Variants in CFAP61 observed in about 807,000 individuals in gnomAD.
CFAP61 encodes the protein cilia- and flagella-associated protein 61.
Under a neutral mutation model 135.6 loss-of-function variants are expected in CFAP61, and 107 were observed. The ratio of observed to expected loss-of-function variants is 0.79; its 90% confidence interval spans 0.67 to 0.93. The LOEUF (loss-of-function observed/expected upper bound fraction) is 0.93, where lower values mean the gene tolerates loss of function less well. Ranked by LOEUF, CFAP61 falls within the 40% of genes least tolerant of loss-of-function variation. The pLI is 0.00. For synonymous variants in CFAP61, 575 were observed against 578.5 expected, an observed-to-expected ratio of 0.99 and a Z score of 0.09; for missense variants, 1,507 against 1,556.2, an observed-to-expected ratio of 0.97 and a Z score of 0.53.
intron 17 of CFAP61, among the ~76,000 whole-genome samples, chr20:20,216,418 G>C (rs1569144725): frequency 6.6e-6 from 1 of 152,210 alleles, no homozygotes; most frequent in South Asian, 2.1e-4. Flanking sequence ...GTTTGTGTTT[G>C]AATATACACA....
chr20:20,332,329 CAAGT>C (rs1367097095), intron 25 of CFAP61, among the ~76,000 whole-genome samples: 1 of 152,198 alleles, frequency 6.6e-6, no homozygotes, highest in Non-Finnish European at 1.5e-5. Context: ...TTCGCTCTGG[CAAGT>C]AAGACCAAAA....
intron 18 of CFAP61, among the ~76,000 whole-genome samples, chr20:20,243,058 G>A (rs552032438): frequency 6.6e-6 from 1 of 152,284 alleles, no homozygotes; most frequent in South Asian, 2.1e-4. Flanking sequence ...AAAAGAAAGA[G>A]GTTTAATGGA....
intron 8 of CFAP61, among the ~76,000 whole-genome samples, chr20:20,121,967 G>A (rs149385597): frequency 5.4e-5 from 8 of 148,424 alleles, no homozygotes; most frequent in East Asian, 2.0e-4. Flanking sequence ...AAATTTTTCC[G>A]TAAGTTATTC....
At chr20:20,069,638 T>TA (rs2045567084) in intron 2 of CFAP61, 1 of 414,008 alleles carries the variant, frequency 2.4e-6, no homozygotes, top group Non-Finnish European at 4.8e-6. Flanking sequence ...CACGAAAAGA[T>TA]AAGTCTGGAG....
chr20:20,172,351 C>A, intron 13 of CFAP61: 1 of 867,882 alleles, frequency 1.2e-6, no homozygotes, highest in Non-Finnish European at 1.4e-6. Flanking sequence ...GCATCTCACT[C>A]TGTTGCCCAG....
chr20:20,109,093 G>A (rs2048612015), intron 8 of CFAP61, among the ~76,000 whole-genome samples: 1 of 152,096 alleles, frequency 6.6e-6, no homozygotes, highest in African/African-American at 2.4e-5. Context: ...TTTGTTTGAT[G>A]TTTATTCATG....
At chr20:20,175,161 C>T (rs1013247570) in intron 13 of CFAP61, among the ~76,000 whole-genome samples, 1 of 152,198 alleles carries the variant, frequency 6.6e-6, no homozygotes, top group Non-Finnish European at 1.5e-5. Flanking sequence ...TTGTTTGTCC[C>T]TTAAAGAAGG....
At chr20:20,274,765 T>A (rs2053617454) in intron 21 of CFAP61, among the ~76,000 whole-genome samples, 1 of 152,226 alleles carries the variant, frequency 6.6e-6, no homozygotes, top group Non-Finnish European at 1.5e-5. Context: ...TTATTCTATT[T>A]GTGGAAGGAT....
At chr20:20,170,407 TA>T (rs11292483) in intron 13 of CFAP61, among the ~76,000 whole-genome samples, 136,814 of 152,098 alleles carry the variant, frequency 0.9, 62,355 homozygotes, top group Middle Eastern at 0.99. Context: ...AATGAATCAA[TA>T]AAAAAAATCA....
At chr20:20,348,411 G>A (rs2058707452) in intron 26 of CFAP61, among the ~76,000 whole-genome samples, 1 of 151,996 alleles carries the variant, frequency 6.6e-6, no homozygotes, top group Non-Finnish European at 1.5e-5. Context: ...GGGGAGGCTG[G>A]GTGCAGTGGG....
At chr20:20,099,911 A>G (rs568560435) in intron 8 of CFAP61, among the ~76,000 whole-genome samples, 1 of 152,266 alleles carries the variant, frequency 6.6e-6, no homozygotes, top group South Asian at 2.1e-4. Flanking sequence ...ACCTCATCTG[A>G]ACATACACAC....
At chr20:20,355,519 G>A (rs1160406581) in intron 26 of CFAP61, among the ~76,000 whole-genome samples, 2 of 124,778 alleles carry the variant, frequency 1.6e-5, no homozygotes, top group Admixed American at 7.9e-5. Flanking sequence ...GAGGGGAGGT[G>A]GTCACACTGA....
Position 20,269,235 on chromosome 20 carries a change from A to G in CFAP61, c.2503+6105A>G, listed in dbSNP as rs892267016. Among the ~76,000 whole-genome samples the G allele has an allele frequency of 1.5e-4, 21 of 144,616 alleles. 1 individual carries two copies. The highest frequency in any genetic ancestry group is 5.3e-4 in the African/African-American group (21 of 39,884). 94.9% of individuals were successfully genotyped at this position (144,616 alleles called of 152,430 possible). The stretch of plus-strand genomic sequence containing the variant: ...TACACATATATACATATATGTATAT[A>G]TATACACGTATATGTGCATATATAC... On this transcript the variant is annotated intron_variant, in intron 21 of 26. Coordinates refer to ENST00000245957, the MANE Select transcript of CFAP61 (RefSeq NM_015585.4).
At chr20:20,249,825 CTG>C (rs1241009561) in intron 19 of CFAP61, among the ~76,000 whole-genome samples, 2 of 152,188 alleles carry the variant, frequency 1.3e-5, no homozygotes, top group African/African-American at 4.8e-5. Context: ...TGTGCACTAA[CTG>C]TATTTAACTT....
Position 20,135,114 on chromosome 20 carries a change from G to GTTT in CFAP61, c.860-7743_860-7742insTTT, listed in dbSNP as rs151160860. The stretch of plus-strand genomic sequence containing the variant: ...AGAGGGAGATTATAAAGACAGAAAA[G>GTTT]GAAAAGGCAATGTGATTATGGAATC... On this transcript the variant is annotated intron_variant, in intron 8 of 26. Coordinates refer to ENST00000245957, the MANE Select transcript of CFAP61 (RefSeq NM_015585.4). Among the ~76,000 whole-genome samples, 5 of 152,122 alleles carry GTTT rather than the reference G, an allele frequency of 3.3e-5. No individual in the cohort carries two copies. In the East Asian group the frequency reaches 9.7e-4, roughly 29 times the overall value.
chr20:20,115,718 C>T (rs1365946829), intron 8 of CFAP61, among the ~76,000 whole-genome samples: 1 of 152,164 alleles, frequency 6.6e-6, no homozygotes, highest in Non-Finnish European at 1.5e-5. Flanking sequence ...GCTTATTTCA[C>T]TTAGCATAAT....
rs1036353384 is a variant in CFAP61 at position 20,169,609 on chromosome 20, C to A, written c.1385+149C>A. The A allele has an allele frequency of 9.1e-6, 6 of 662,018 alleles. No homozygotes were observed. In the African/African-American group the frequency reaches 9.2e-5, roughly 10 times the overall value. The allele number at this position is 662,018 out of a possible 1,614,324, so 41.0% of individuals were successfully genotyped here. On this transcript the variant is annotated intron_variant, in intron 13 of 26. Transcript: ENST00000245957. ...CTTGAGTAAGTGATTTTAACTAATA[C>A]ATTTAGAGAAAGAATGGCACTTGAG...
chr20:20,288,844 T>G lies in CFAP61; in HGVS notation c.3032T>G (p.Leu1011Arg), dbSNP rs1360609406. ...EIGFQLAAAM[L>R]HLFDPTLEPV... ...GGCTTTCAGCTGGCAGCAGCTATGC[T>G]ACATCTCTTTGATCCAACCCTTGAG... is the stretch of plus-strand genomic sequence containing the variant. Residue 1011 changes from leucine (L) to arginine (R), a missense_variant, in exon 23 of 27, where the codon CTA becomes CGA. Physicochemically the swap from Leu to Arg is moderately radical, Grantham distance 102. Coordinates refer to ENST00000245957, the MANE Select transcript of CFAP61 (RefSeq NM_015585.4). 6.2e-7 allele frequency: 1 copy of G among 1,614,092 alleles called. No homozygotes were observed. Among genetic ancestry groups the G allele is most frequent in the Non-Finnish European group, 8.5e-7 (1 of 1,180,036 alleles).
intron 26 of CFAP61, among the ~76,000 whole-genome samples, chr20:20,355,762 A>G (rs56261685): frequency 2.8e-4 from 28 of 99,184 alleles, no homozygotes; most frequent in African/African-American, 4.3e-4. Context: ...ATGAGCAGAG[A>G]TGGTCACACT....
Sources: allele counts gnomAD v4.1 joint callset (sites outside exome capture counted in the v4.1 genomes callset), GRCh38; gene constraint gnomAD v4.1.1; transcripts MANE v1.5; gene names NCBI Gene and HGNC (gene_info 2026-07-23, HGNC 2026-07-21).